Variants in SUGP1 observed in about 807,000 individuals in gnomAD.
The protein encoded by SUGP1 is SURP and G-patch domain containing 1.
A neutral mutation model predicts 76.5 loss-of-function variants in SUGP1; 34 were observed. The observed-to-expected ratio is 0.44, with a 90% CI of 0.34 to 0.59. The LOEUF is 0.59. SUGP1 is among the 20% of genes least tolerant of loss of function. SUGP1 has a pLI of 0.01. For synonymous variants in SUGP1, 326 were observed against 326.2 expected (o/e 1.00, Z 0.01); for missense variants, 752 against 851.7 (o/e 0.88, Z 1.46).
At position 19,302,328 on chromosome 19, in the gene SUGP1, G is replaced by T; in HGVS notation, c.824C>A (p.Ala275Glu). Residue 275 changes from alanine to glutamate, a missense_variant, in exon 7 of 14, where the codon GCG (alanine) becomes GAG (glutamate). By Grantham distance (107) the Ala-to-Glu change is moderately radical (BLOSUM62 -1). Transcript: ENST00000247001. Reference protein sequence around the residue: ...NLAEKLARFIADGGPEVETIA... With the variant: ...NLAEKLARFIEDGGPEVETIA... ...GGTTTCCACCTCGGGACCCCCGTCC[G>T]CTATGAACCTGGCCAACTTTTCTGC... The T allele has an allele frequency of 6.2e-7, 1 of 1,614,156 alleles. No individual in the cohort carries two copies. Among genetic ancestry groups the T allele is most frequent in the African/African-American group, 1.3e-5 (1 of 75,024 alleles).
At chr19:19,286,289 A>G (rs1599848917) in intron 8 of SUGP1, among the ~76,000 whole-genome samples, 1 of 152,240 alleles carries the variant, frequency 6.6e-6, no homozygotes, top group African/African-American at 2.4e-5. Flanking sequence ...CAGCCTCTAG[A>G]TTGGGGGGTC....
chr19:19,319,830 A>G (rs1275906434), intron 1 of SUGP1, among the ~76,000 whole-genome samples: 1 of 152,024 alleles, frequency 6.6e-6, no homozygotes, highest in East Asian at 1.9e-4. Context: ...GTTTTTGTAA[A>G]TATTTTCTCA....
rs962405404 is a variant in SUGP1 at position 19,276,458 on chromosome 19, A to G, written c.*190T>C. 3 of 654,488 alleles carry G rather than the reference A, an allele frequency of 4.6e-6. No individual in the cohort carries two copies. The highest frequency in any genetic ancestry group is 8.1e-6 in the Non-Finnish European group (3 of 371,654). 40.5% of individuals were successfully genotyped at this position (654,488 alleles called of 1,614,324 possible). A position where few individuals can be genotyped will look rare whatever the true frequency, so the allele number is the denominator to read the frequency against. ...CCAATAAGGAGAGCCCCGAGACAGC[A>G]TCTTGCATCCCGCTGCTAACAGGAG... On this transcript the variant is annotated 3_prime_UTR_variant, in exon 14 of 14. Coordinates refer to ENST00000247001, the MANE Select transcript of SUGP1 (RefSeq NM_172231.4).
chr19:19,302,595 ACAAGGGAGGTC>A, intron 6 of SUGP1: 1 of 650,840 alleles, frequency 1.5e-6, no homozygotes, highest in Non-Finnish European at 2.5e-6. Context: ...GCCCCGTCCC[ACAAGGGAGGTC>A]AAGAGGGCCT....
Position 19,276,946 on chromosome 19 carries a change from C to G in SUGP1, c.1911+1G>C. On this transcript the variant is annotated splice_donor_variant, in intron 13 of 13. Transcript: ENST00000247001. LOFTEE classifies it high-confidence loss of function. Reference sequence around the variant, plus strand: ...AAGGCAGCCCAGGAGGACATGCGTACCAGGGGGTTGGGCCGGAAGCGGTAG... The same window carrying G: ...AAGGCAGCCCAGGAGGACATGCGTAGCAGGGGGTTGGGCCGGAAGCGGTAG... 1 of 1,612,928 alleles carries G rather than the reference C, an allele frequency of 6.2e-7. No individual in the cohort carries two copies. Among genetic ancestry groups the G allele is most frequent in the Non-Finnish European group, 8.5e-7 (1 of 1,179,976 alleles).
intron 8 of SUGP1, among the ~76,000 whole-genome samples, chr19:19,281,944 G>T (rs1255483192): frequency 6.6e-6 from 1 of 152,142 alleles, no homozygotes; most frequent in Admixed American, 6.5e-5. Context: ...GTAAAACTGT[G>T]GTAATTATTG....
At chr19:19,308,969 C>T (rs1001075721) in intron 3 of SUGP1, among the ~76,000 whole-genome samples, 1 of 152,100 alleles carries the variant, frequency 6.6e-6, no homozygotes. Flanking sequence ...TGGGTTCAAC[C>T]GATTCCCCTG....
intron 2 of SUGP1, 80 bp downstream of exon 2, chr19:19,316,342 G>C: frequency 6.5e-7 from 1 of 1,537,488 alleles, no homozygotes; most frequent in Non-Finnish European, 8.9e-7. Context: ...CATGCTGACT[G>C]CCCTCACAAG....
chr19:19,282,616 T>C (rs766858011), intron 8 of SUGP1, among the ~76,000 whole-genome samples: 1 of 152,218 alleles, frequency 6.6e-6, no homozygotes, highest in African/African-American at 2.4e-5. Flanking sequence ...ACACCTACAC[T>C]AGATATTACA....
At chr19:19,295,203 T>C (rs1395745308) in intron 8 of SUGP1, among the ~76,000 whole-genome samples, 3 of 150,940 alleles carry the variant, frequency 2.0e-5, no homozygotes, top group Non-Finnish European at 4.4e-5. Flanking sequence ...CTGGTCAACA[T>C]GGTGAAATCC....
intron 3 of SUGP1, among the ~76,000 whole-genome samples, chr19:19,308,889 G>A (rs945224167): frequency 4.7e-5 from 7 of 150,100 alleles, no homozygotes; most frequent in Admixed American, 4.0e-4. Context: ...TTTTTGAGAC[G>A]AAGTCTCGCT....
intron 3 of SUGP1, among the ~76,000 whole-genome samples, chr19:19,307,937 T>C (rs184417810): frequency 6.6e-6 from 1 of 152,334 alleles, no homozygotes; most frequent in East Asian, 1.9e-4. Flanking sequence ...AGTGCTGGAA[T>C]TACAGGCGTG....
chr19:19,316,349 C>T (rs1350678578), intron 2 of SUGP1, 73 bp downstream of exon 2: 4 of 1,573,120 alleles, frequency 2.5e-6, no homozygotes, highest in Admixed American at 1.8e-5. Flanking sequence ...ACTGCCCTCA[C>T]AAGCCAAACC....
chr19:19,276,997 C>A lies in SUGP1; in HGVS notation c.1861G>T (p.Ala621Ser). ...ELSKEDDEYE[A>S]FRKRMMLAYR... ...GCCAGCATCATCCTCTTGCGGAACGCCTCATACTCGTCGTCCTCCTTGGAG... is the reference window on the plus strand; with the variant it reads ...GCCAGCATCATCCTCTTGCGGAACGACTCATACTCGTCGTCCTCCTTGGAG... The change falls in exon 13 of 14, where the codon GCG becomes TCG. Residue 621 changes from alanine to serine, a missense_variant. Ala to Ser is a moderately conservative substitution (Grantham distance 99). Transcript: ENST00000247001. 6.2e-7 allele frequency: 1 copy of A among 1,613,104 alleles called. No individual in the cohort carries two copies. Among genetic ancestry groups the A allele is most frequent in the Non-Finnish European group, 8.5e-7 (1 of 1,180,034 alleles).
At chr19:19,277,143 C>T in intron 12 of SUGP1, 67 bp from the exon 13 acceptor site, 1 of 1,536,416 alleles carries the variant, frequency 6.5e-7, no homozygotes, top group Non-Finnish European at 8.7e-7. Flanking sequence ...CCGGGCACAG[C>T]TGGGCTCTCA....
Position 19,297,157 on chromosome 19 carries a change from G to A in SUGP1, c.1075C>T (p.Pro359Ser), listed in dbSNP as rs564624631. Residue 359 changes from proline to serine, a missense_variant, in exon 8 of 14, where the codon CCT (proline) becomes TCT (serine). Transcript: ENST00000247001. ...GGAGCAGGGATGATAGTGGGCGCAG[G>A]CGTGGACGAGGCGGGGCAGGTGGTG... ...PATTCPASST[P>S]APTIIPAPAA... The A allele has an allele frequency of 2.5e-6, 4 of 1,613,314 alleles. No individual in the cohort carries two copies. The African/African-American group carries it at 5.3e-5, about 22-fold the overall frequency.
chr19:19,300,944 CG>C, intron 7 of SUGP1, among the ~76,000 whole-genome samples: 1 of 152,310 alleles, frequency 6.6e-6, no homozygotes, highest in East Asian at 1.9e-4. Context: ...GCAGAGCCAC[CG>C]GGCTCTGGGC....
chr19:19,315,486 C>G (rs1481320725), intron 2 of SUGP1, among the ~76,000 whole-genome samples: 3 of 152,210 alleles, frequency 2.0e-5, no homozygotes, highest in Admixed American at 2.0e-4. Context: ...AACATCACCC[C>G]TTGATCAAAA....
At chr19:19,310,052 G>A (rs751368636) in intron 3 of SUGP1, 45 bp downstream of exon 3, 1 of 1,500,528 alleles carries the variant, frequency 6.7e-7, no homozygotes, top group East Asian at 2.3e-5. Flanking sequence ...CAACCCCAGG[G>A]GGAGATGCAA....
Sources: allele counts gnomAD v4.1 joint callset (sites outside exome capture counted in the v4.1 genomes callset), GRCh38; gene constraint gnomAD v4.1.1; transcripts MANE v1.5; gene names NCBI Gene and HGNC (gene_info 2026-07-23, HGNC 2026-07-21).